Variants in ADAMTSL1 observed in about 807,000 individuals in gnomAD.
The protein encoded by ADAMTSL1 is ADAMTS-like protein 1.
In ADAMTSL1, 126 loss-of-function variants were observed where a neutral mutation model predicts 201.8. The ratio of observed to expected loss-of-function variants is 0.62; its 90% confidence interval spans 0.54 to 0.72. ADAMTSL1 has a LOEUF of 0.72. ADAMTSL1 is among the 30% of genes least tolerant of loss of function. ADAMTSL1 has a pLI of 0.00. For synonymous variants in ADAMTSL1, 1,121 were observed against 903.4 expected (o/e 1.24, Z -4.32); for missense variants, 2,679 against 2,277.8 (o/e 1.18, Z -3.59).
rs139172272 is a variant in ADAMTSL1 at position 18,216,372 on chromosome 9, TGCCAGGTTATA to T, written c.207+52394_207+52404del. 3.5e-4 allele frequency among the ~76,000 whole-genome samples: 53 copies of T among 152,354 alleles called. 1 individual carries two copies. In the East Asian group the frequency reaches 8.9e-3, roughly 26 times the overall value. On this transcript the variant is annotated intron_variant, in intron 2 of 29. Coordinates refer to the ADAMTSL1 transcript ENST00000680146. ...CAGGTAAGGCTGGAAGGAGAAATTCTGCCAGGTTATAGCTGTTGATCAGGCAGCTTTCACCA... is the reference window on the plus strand; with the variant it reads ...CAGGTAAGGCTGGAAGGAGAAATTCTGCTGTTGATCAGGCAGCTTTCACCA...
chr9:18,767,887 T>C (rs1820456399), intron 16 of ADAMTSL1, among the ~76,000 whole-genome samples: 1 of 152,130 alleles, frequency 6.6e-6, no homozygotes, highest in Non-Finnish European at 1.5e-5. Flanking sequence ...GACCATAGAT[T>C]TTGTTCTTAA....
chr9:17,972,698 C>G (rs1818262736), intron 1 of ADAMTSL1, among the ~76,000 whole-genome samples: 1 of 151,022 alleles, frequency 6.6e-6, no homozygotes, highest in South Asian at 2.1e-4. Context: ...ATGGCTGGGT[C>G]AAATGGTATT....
At chr9:18,553,769 G>A (rs771235264) in intron 3 of ADAMTSL1, among the ~76,000 whole-genome samples, 3 of 151,730 alleles carry the variant, frequency 2.0e-5, no homozygotes, top group African/African-American at 4.8e-5. Flanking sequence ...AACTACCATC[G>A]TTGCCATTGA....
chr9:18,067,966 G>C (rs1822782979), intron 1 of ADAMTSL1, among the ~76,000 whole-genome samples: 1 of 152,046 alleles, frequency 6.6e-6, no homozygotes. Context: ...GGTAAGAAAA[G>C]CTTTCGACAG....
intron 1 of ADAMTSL1, among the ~76,000 whole-genome samples, chr9:18,083,169 T>C (rs1823588096): frequency 6.6e-6 from 1 of 152,208 alleles, no homozygotes; most frequent in Non-Finnish European, 1.5e-5. Context: ...TAAGTTTGGC[T>C]ACTATTGAAG....
At chr9:18,488,536 G>A (rs887246520) in intron 1 of ADAMTSL1, among the ~76,000 whole-genome samples, 6 of 152,142 alleles carry the variant, frequency 3.9e-5, no homozygotes, top group African/African-American at 1.4e-4. Context: ...TTCAACCCTG[G>A]TTCCACCAGT....
At chr9:18,333,760 C>A (rs1196659666) in intron 2 of ADAMTSL1, among the ~76,000 whole-genome samples, 1 of 152,116 alleles carries the variant, frequency 6.6e-6, no homozygotes, top group Admixed American at 6.6e-5. Context: ...TCAGAGGAGA[C>A]AGATTTTACC....
intron 2 of ADAMTSL1, among the ~76,000 whole-genome samples, chr9:18,319,792 T>G (rs970100709): frequency 6.6e-6 from 1 of 152,202 alleles, no homozygotes; most frequent in Non-Finnish European, 1.5e-5. Context: ...GTGCACATCT[T>G]AATCACCTGA....
intron 1 of ADAMTSL1, among the ~76,000 whole-genome samples, chr9:18,017,154 TATAGTTTAC>T (rs1398804945): frequency 6.6e-6 from 1 of 152,058 alleles, no homozygotes; most frequent in African/African-American, 2.4e-5. Flanking sequence ...TATAGCAAGT[TATAGTTTAC>T]AAAGGATATT....
chr9:18,886,211 T>TATATATAC (rs1202758335), intron 23 of ADAMTSL1, among the ~76,000 whole-genome samples: 5 of 105,886 alleles, frequency 4.7e-5, no homozygotes, highest in East Asian at 2.4e-4. Flanking sequence ...TATATATATA[T>TATATATAC]ACACACACAT....
At chr9:18,841,826 G>C (rs1211891092) in intron 23 of ADAMTSL1, among the ~76,000 whole-genome samples, 3 of 152,204 alleles carry the variant, frequency 2.0e-5, no homozygotes, top group Non-Finnish European at 4.4e-5. Flanking sequence ...TATTTGCGTA[G>C]AGGTGTTTGT....
At chr9:18,235,289 T>C (rs912377819) in intron 2 of ADAMTSL1, among the ~76,000 whole-genome samples, 9 of 152,226 alleles carry the variant, frequency 5.9e-5, no homozygotes, top group Admixed American at 2.6e-4. Flanking sequence ...TCATCATGAC[T>C]AGGTTGGTGT....
chr9:18,412,742 T>C (rs995070734), intron 2 of ADAMTSL1, among the ~76,000 whole-genome samples: 3 of 152,212 alleles, frequency 2.0e-5, no homozygotes, highest in Non-Finnish European at 4.4e-5. Flanking sequence ...TCTCCATTTA[T>C]TCTATTTCCT....
intron 15 of ADAMTSL1, among the ~76,000 whole-genome samples, chr9:18,734,337 G>A (rs1247847540): frequency 3.3e-5 from 5 of 152,124 alleles, no homozygotes; most frequent in African/African-American, 4.8e-5. Context: ...CTTTTTTCCT[G>A]AAGAAAAGAC....
intron 1 of ADAMTSL1, among the ~76,000 whole-genome samples, chr9:18,072,186 G>A (rs1018635838): frequency 5.3e-5 from 8 of 152,100 alleles, no homozygotes; most frequent in Non-Finnish European, 1.2e-4. Flanking sequence ...AAGCAAAAAT[G>A]GGCTGATTGA....
At chr9:18,553,734 C>A (rs1341179333) in intron 3 of ADAMTSL1, among the ~76,000 whole-genome samples, 1 of 151,916 alleles carries the variant, frequency 6.6e-6, no homozygotes, top group African/African-American at 2.4e-5. Flanking sequence ...CTCAACACTT[C>A]AAAGAGAATT....
chr9:17,932,737 T>C (rs1826846683), intron 1 of ADAMTSL1, among the ~76,000 whole-genome samples: 1 of 152,198 alleles, frequency 6.6e-6, no homozygotes, highest in Admixed American at 6.5e-5. Flanking sequence ...TCATTTTGAA[T>C]ACAGTGATCT....
intron 1 of ADAMTSL1, among the ~76,000 whole-genome samples, chr9:18,501,219 A>G (rs192520427): frequency 3.9e-5 from 6 of 152,302 alleles, no homozygotes; most frequent in Non-Finnish European, 5.9e-5. Flanking sequence ...CAAAAGTAAA[A>G]GAGAAATGGG....
At chr9:18,815,186 A>G (rs1823756763) in intron 20 of ADAMTSL1, among the ~76,000 whole-genome samples, 1 of 152,158 alleles carries the variant, frequency 6.6e-6, no homozygotes, top group Non-Finnish European at 1.5e-5. Context: ...CTACCATATG[A>G]TCCAGCAATC....
Sources: allele counts gnomAD v4.1 joint callset (sites outside exome capture counted in the v4.1 genomes callset), GRCh38; gene constraint gnomAD v4.1.1; transcripts MANE v1.5; gene names NCBI Gene and HGNC (gene_info 2026-07-23, HGNC 2026-07-21).